IRAG1: variants seen among roughly 807,000 people sequenced by gnomAD.
IRAG1 encodes IP3R-associated cGMP kinase substrate.
IRAG1 carries 62 observed loss-of-function variants against 106.2 expected under a neutral mutation model. The observed-to-expected ratio is 0.58, with a 90% confidence interval of 0.48 to 0.72. The LOEUF is 0.72. IRAG1 is among the 30% of genes least tolerant of loss of function. The pLI, the probability that IRAG1 is intolerant of heterozygous loss-of-function variation, is 0.00. For missense variants in IRAG1, 1,064 were observed against 1,140.7 expected (o/e 0.93, Z 0.97); for synonymous variants, 462 against 443.9 (o/e 1.04, Z -0.51).
intron 1 of IRAG1, among the ~76,000 whole-genome samples, chr11:10,669,605 G>C (rs936142171): frequency 6.6e-6 from 1 of 152,194 alleles, no homozygotes; most frequent in African/African-American, 2.4e-5. Flanking sequence ...CTCTGTGCTG[G>C]ATGAAGTGGA....
chr11:10,683,892 A>C (rs1335698892), intron 1 of IRAG1, among the ~76,000 whole-genome samples: 1 of 152,050 alleles, frequency 6.6e-6, no homozygotes, highest in Non-Finnish European at 1.5e-5. Flanking sequence ...ACTTTAAAAA[A>C]AAAAAAAAAA....
intron 1 of IRAG1, among the ~76,000 whole-genome samples, chr11:10,684,471 C>T (rs914076391): frequency 4.6e-5 from 7 of 151,232 alleles, no homozygotes; most frequent in Non-Finnish European, 7.4e-5. Context: ...GTGGGGAGAG[C>T]GGGGAGGGAG....
chr11:10,667,538 C>G (rs1285860698), intron 1 of IRAG1, among the ~76,000 whole-genome samples: 1 of 152,224 alleles, frequency 6.6e-6, no homozygotes, highest in Non-Finnish European at 1.5e-5. Context: ...TCATAAAAAT[C>G]TAGCCATCCT....
chr11:10,653,235 A>T (rs950286881), intron 1 of IRAG1, among the ~76,000 whole-genome samples: 6 of 152,190 alleles, frequency 3.9e-5, no homozygotes, highest in Non-Finnish European at 8.8e-5. Context: ...AATGATACAC[A>T]CAGAGGAGGG....
At chr11:10,658,369 G>A (rs1589931807) in intron 1 of IRAG1, 1 of 152,328 alleles carries the variant, frequency 6.6e-6, no homozygotes, top group East Asian at 1.9e-4. Context: ...TGAAAATGGA[G>A]GTAATAGCAC....
intron 10 of IRAG1, among the ~76,000 whole-genome samples, chr11:10,618,270 C>T (rs1041232261): frequency 1.3e-5 from 2 of 152,178 alleles, no homozygotes; most frequent in African/African-American, 4.8e-5. Context: ...CCTGACTCAA[C>T]CCCACTGAGC....
chr11:10,589,427 T>C (rs1236239927), intron 18 of IRAG1, among the ~76,000 whole-genome samples: 1 of 152,128 alleles, frequency 6.6e-6, no homozygotes, highest in Non-Finnish European at 1.5e-5. Context: ...TTTATATTTA[T>C]TTATTTATTT....
chr11:10,641,978 G>A (rs35439915), intron 2 of IRAG1, among the ~76,000 whole-genome samples: 11,457 of 152,158 alleles, frequency 0.075, 551 homozygotes, highest in Admixed American at 0.13. Flanking sequence ...CTGGTGCCCT[G>A]CTGGCCTCTG....
At chr11:10,693,498 G>C (rs1260357169) in intron 1 of IRAG1, 38 bp downstream of exon 1, 3 of 1,535,076 alleles carry the variant, frequency 2.0e-6, no homozygotes, top group Non-Finnish European at 2.6e-6. Flanking sequence ...CTTCCCAGCC[G>C]AAGAGGCAGG....
At chr11:10,664,034 A>G (rs1859595505) in intron 1 of IRAG1, among the ~76,000 whole-genome samples, 1 of 152,294 alleles carries the variant, frequency 6.6e-6, no homozygotes, top group East Asian at 1.9e-4. Context: ...AATCTTAGCA[A>G]AGACAGAACA....
At chr11:10,671,869 T>A (rs1159988780) in intron 1 of IRAG1, among the ~76,000 whole-genome samples, 2 of 152,172 alleles carry the variant, frequency 1.3e-5, no homozygotes, top group African/African-American at 2.4e-5. Context: ...TCCAATTTCA[T>A]ATGGAAACAC....
At chr11:10,630,870 G>A (rs1331656227) in intron 4 of IRAG1, among the ~76,000 whole-genome samples, 3 of 152,166 alleles carry the variant, frequency 2.0e-5, no homozygotes, top group African/African-American at 7.2e-5. Context: ...CCCCTCCCCT[G>A]TGCCAAGAGT....
chr11:10,629,394 A>C (rs886936562), intron 5 of IRAG1, 144 bp downstream of exon 5: 13 of 813,746 alleles, frequency 1.6e-5, no homozygotes, highest in Non-Finnish European at 2.4e-5. Context: ...AGCCCAGGAC[A>C]GAATCCTGAC....
chr11:10,600,896 G>C (rs552918582), intron 15 of IRAG1, 22 bp downstream of exon 15: 1 of 1,613,674 alleles, frequency 6.2e-7, no homozygotes, highest in Non-Finnish European at 8.5e-7. Context: ...GGCCAAGATG[G>C]GGCAGGAGCC....
chr11:10,639,432 C>G (rs1352655492), intron 2 of IRAG1, among the ~76,000 whole-genome samples: 1 of 152,200 alleles, frequency 6.6e-6, no homozygotes, highest in Non-Finnish European at 1.5e-5. Context: ...GCCCTGAAAC[C>G]TAATGAAGCC....
At chr11:10,612,025 A>G (rs1855005653) in intron 10 of IRAG1, among the ~76,000 whole-genome samples, 1 of 152,206 alleles carries the variant, frequency 6.6e-6, no homozygotes, top group East Asian at 1.9e-4. Flanking sequence ...AGGGATTTAC[A>G]AGGAAGGAAG....
chr11:10,654,265 C>T (rs1858750558), intron 1 of IRAG1, among the ~76,000 whole-genome samples: 1 of 152,196 alleles, frequency 6.6e-6, no homozygotes, highest in Non-Finnish European at 1.5e-5. Context: ...CCTCTAGACT[C>T]CTGGACTGAG....
In IRAG1 at chr11:10,625,958, G is replaced by A. The variant is rs75009793; in HGVS notation, c.1368+8C>T. 0.038 allele frequency: 55,146 copies of A among 1,465,236 alleles called. 1,254 individuals carry two copies. The highest frequency in any genetic ancestry group is 0.052 in the South Asian group (3,290 of 62,954). The allele number at this position is 1,465,236 out of a possible 1,614,324, so 90.8% of individuals were successfully genotyped here. A position where few individuals can be genotyped will look rare whatever the true frequency, so the allele number is the denominator to read the frequency against. On this transcript the variant is annotated splice_region_variant and intron_variant, in intron 9 of 20. Transcript: ENST00000423302. ...CACACTCTGCCCAACTGGCCCCCAG[G>A]AACCCACCTCTCGGAGCTTGGTCAG...
chr11:10,600,011 C>A (rs1853800900), intron 15 of IRAG1: 1 of 152,288 alleles, frequency 6.6e-6, no homozygotes, highest in Non-Finnish European at 1.5e-5. Flanking sequence ...AGTCTCACTT[C>A]CACACCCTGA....
Sources: gnomAD v4.1 joint callset for allele counts (sites outside exome capture counted in the v4.1 genomes callset) on GRCh38, gnomAD v4.1.1 for gene constraint, MANE v1.5 for transcripts, NCBI Gene and HGNC (gene_info 2026-07-23, HGNC 2026-07-21) for gene names.